Variants in GRID1 observed in about 807,000 individuals in gnomAD.
GRID1 encodes the protein glutamate ionotropic receptor delta type subunit 1, also known as glutamate receptor ionotropic, delta-1.
In GRID1, 28 loss-of-function variants were observed where a neutral mutation model predicts 98.0. The observed-to-expected ratio is 0.29, with a 90% confidence interval of 0.21 to 0.39. GRID1 has a LOEUF of 0.39. GRID1 is among the 10% of genes least tolerant of loss of function. The pLI is 1.00. For synonymous variants in GRID1, 553 were observed against 538.5 expected, an observed-to-expected ratio of 1.03 and a Z score of -0.37; for missense variants, 1,111 against 1,340.5, an observed-to-expected ratio of 0.83 and a Z score of 2.67.
intron 4 of GRID1, among the ~76,000 whole-genome samples, chr10:86,132,812 C>A (rs1844857778): frequency 6.6e-6 from 1 of 152,234 alleles, no homozygotes; most frequent in African/African-American, 2.4e-5. Context: ...CAGGACTAAA[C>A]CCAGGCTGGG....
intron 4 of GRID1, among the ~76,000 whole-genome samples, chr10:85,929,130 G>C (rs1026314850): frequency 6.6e-6 from 1 of 152,166 alleles, no homozygotes; most frequent in South Asian, 2.1e-4. Flanking sequence ...AAAAGGAAAG[G>C]GTGTCCCACA....
At chr10:86,203,157 T>C (rs149785629) in intron 3 of GRID1, among the ~76,000 whole-genome samples, 162 of 152,284 alleles carry the variant, frequency 1.1e-3, no homozygotes, top group Middle Eastern at 3.4e-3. Context: ...TGAAAAAAAG[T>C]TGCTATATTT....
intron 12 of GRID1, among the ~76,000 whole-genome samples, chr10:85,687,444 G>T (rs1841282334): frequency 6.6e-6 from 1 of 151,996 alleles, no homozygotes; most frequent in African/African-American, 2.4e-5. Context: ...AATTTGTATG[G>T]TAAGAATAAA....
intron 13 of GRID1, among the ~76,000 whole-genome samples, chr10:85,637,484 T>C (rs1265678549): frequency 1.3e-5 from 2 of 152,172 alleles, no homozygotes; most frequent in African/African-American, 2.4e-5. Context: ...CCCAAGACCA[T>C]GGGAGGCATA....
chr10:85,786,396 C>T (rs984874503), intron 8 of GRID1, among the ~76,000 whole-genome samples: 1 of 152,174 alleles, frequency 6.6e-6, no homozygotes, highest in Non-Finnish European at 1.5e-5. Flanking sequence ...TAACCTGTTC[C>T]GAGGGAAGTC....
chr10:85,642,342 C>T (rs570553936), intron 13 of GRID1, among the ~76,000 whole-genome samples: 7 of 152,284 alleles, frequency 4.6e-5, no homozygotes, highest in South Asian at 2.1e-4. Flanking sequence ...CTGAGAGAAA[C>T]GGAAGCAGCC....
intron 4 of GRID1, among the ~76,000 whole-genome samples, chr10:86,126,873 A>G (rs1484452846): frequency 6.6e-6 from 1 of 152,198 alleles, no homozygotes; most frequent in African/African-American, 2.4e-5. Context: ...TGCAGCTGCA[A>G]TACTCTCAGT....
chr10:86,213,700 G>T (rs552668023), intron 2 of GRID1, among the ~76,000 whole-genome samples: 1 of 151,920 alleles, frequency 6.6e-6, no homozygotes, highest in Non-Finnish European at 1.5e-5. Context: ...GGGCTCTACC[G>T]TTATTTCTCA....
intron 4 of GRID1, among the ~76,000 whole-genome samples, chr10:86,087,399 T>C (rs1818623548): frequency 6.7e-6 from 1 of 150,294 alleles, no homozygotes; most frequent in South Asian, 2.1e-4. Flanking sequence ...AGTCTGTGTG[T>C]GTGTGTCCGG....
chr10:85,840,770 A>G (rs1842954127), intron 8 of GRID1, among the ~76,000 whole-genome samples: 1 of 152,182 alleles, frequency 6.6e-6, no homozygotes, highest in Non-Finnish European at 1.5e-5. Flanking sequence ...ACCAAGGAAT[A>G]CAGCTAACCA....
chr10:86,004,388 C>T (rs1842834876), intron 4 of GRID1, among the ~76,000 whole-genome samples: 1 of 152,152 alleles, frequency 6.6e-6, no homozygotes, highest in African/African-American at 2.4e-5. Flanking sequence ...TTAGATGGGC[C>T]ACAATGTCCA....
At chr10:86,212,870 A>G (rs1474185939) in intron 2 of GRID1, among the ~76,000 whole-genome samples, 10 of 152,220 alleles carry the variant, frequency 6.6e-5, no homozygotes, top group Admixed American at 6.5e-4. Flanking sequence ...ATCTTTTATT[A>G]AGACATTTAA....
intron 5 of GRID1, among the ~76,000 whole-genome samples, chr10:85,890,025 CAT>C (rs1841173660): frequency 6.6e-6 from 1 of 151,994 alleles, no homozygotes; most frequent in East Asian, 1.9e-4. Context: ...CAAAGTTTAT[CAT>C]TTATTTGTCT....
chr10:85,754,750 G>A (rs181709287), intron 8 of GRID1, among the ~76,000 whole-genome samples: 223 of 152,252 alleles, frequency 1.5e-3, no homozygotes, highest in African/African-American at 5.0e-3. Flanking sequence ...TGGGTTTGGG[G>A]GTCAAACTTT....
intron 8 of GRID1, among the ~76,000 whole-genome samples, chr10:85,841,734 A>T (rs1284167247): frequency 1.3e-5 from 2 of 152,164 alleles, no homozygotes; most frequent in Admixed American, 6.5e-5. Flanking sequence ...AAAGCTCAAC[A>T]TCACTGATCA....
intron 4 of GRID1, among the ~76,000 whole-genome samples, chr10:86,121,533 CATCACCATCACCATT>C (rs1332015543): frequency 6.6e-6 from 1 of 152,244 alleles, no homozygotes; most frequent in African/African-American, 2.4e-5. Flanking sequence ...TCATCACCAT[CATCACCATCACCATT>C]ATCTCACCAT....
chr10:86,012,604 G>A (rs1842933876), intron 4 of GRID1, among the ~76,000 whole-genome samples: 1 of 152,170 alleles, frequency 6.6e-6, no homozygotes, highest in South Asian at 2.1e-4. Context: ...CCAAAATTCA[G>A]GTGTTGCAAT....
rs775275274 is a variant in GRID1 at position 85,647,170 on chromosome 10, G to C, written c.2193+32C>G. On this transcript the variant is annotated intron_variant, in intron 13 of 15. Coordinates refer to ENST00000327946, the MANE Select transcript of GRID1 (RefSeq NM_017551.3). ...CTGACCACCCCGTGGCCCTGTTACA[G>C]TGCACGTGCCCAAGCGCCAGCTCCT... is the stretch of plus-strand genomic sequence containing the variant. The C allele has an allele frequency of 3.2e-6, 5 of 1,585,808 alleles. No homozygotes were observed. In the Admixed American group the frequency reaches 8.3e-5, roughly 26 times the overall value.
chr10:86,243,464 C>T (rs1438296749), intron 2 of GRID1, among the ~76,000 whole-genome samples: 1 of 152,100 alleles, frequency 6.6e-6, no homozygotes, highest in African/African-American at 2.4e-5. Flanking sequence ...GTGTCAGATG[C>T]CAATGGGAAC....
Sources: allele counts gnomAD v4.1 joint callset (sites outside exome capture counted in the v4.1 genomes callset), GRCh38; gene constraint gnomAD v4.1.1; transcripts MANE v1.5; gene names NCBI Gene and HGNC (gene_info 2026-07-23, HGNC 2026-07-21).